CCNH: variants seen among roughly 807,000 people sequenced by gnomAD.
CCNH encodes the protein cyclin-H.
CCNH carries 31 observed loss-of-function variants against 41.9 expected under a neutral mutation model. That is an observed-to-expected ratio of 0.74 (90% CI 0.56 to 1.00). The LOEUF is 1.00. Ranked by LOEUF, CCNH falls within the 50% of genes least tolerant of loss-of-function variation. The pLI is 0.00. For missense variants in CCNH, 362 were observed against 388.4 expected (o/e 0.93, Z 0.57); for synonymous variants, 138 against 136.1 (o/e 1.01, Z -0.10).
upstream of CCNH, chr5:87,377,196 G>A (rs1266388283): frequency 1.1e-6 from 1 of 944,332 alleles, no homozygotes; most frequent in Non-Finnish European, 1.6e-6. Flanking sequence ...TTGGATGTCA[G>A]TTCTGATTAT....
At chr5:87,346,516 A>G (rs1249923384) in intron 9 of CCNH, among the ~76,000 whole-genome samples, 1 of 151,962 alleles carries the variant, frequency 6.6e-6, no homozygotes, top group Non-Finnish European at 1.5e-5. Context: ...ATATGTATAT[A>G]AAATGTATTA....
intron 9 of CCNH, among the ~76,000 whole-genome samples, chr5:87,339,237 T>TA (rs2112392051): frequency 6.6e-6 from 1 of 152,222 alleles, no homozygotes; most frequent in African/African-American, 2.4e-5. Flanking sequence ...TCCATAGAAG[T>TA]AAAACATACT....
At position 87,408,022 on chromosome 5, in the gene CCNH, A is replaced by C; in HGVS notation, c.479T>G (p.Val160Gly). Residue 160 changes from valine to glycine, a missense_variant, in exon 4 of 9, where the codon GTC becomes GGC. By Grantham distance (109) the Val-to-Gly change is moderately radical. Coordinates refer to ENST00000256897, the MANE Select transcript of CCNH (RefSeq NM_001239.4). Reference sequence around the variant, plus strand: ...CTCAAATGGTCTGTAAGGATTGTGGACAATAAGGTGGAAATTAAGTTGCTG... The same window carrying C: ...CTCAAATGGTCTGTAAGGATTGTGGCCAATAAGGTGGAAATTAAGTTGCTG... ...LIQQLNFHLI[V>G]HNPYRPFEGF... is the part of the protein sequence containing the mutation. 1 of 1,613,878 alleles carries C rather than the reference A, an allele frequency of 6.2e-7. No homozygotes were observed. The highest frequency in any genetic ancestry group is 8.5e-7 in the Non-Finnish European group (1 of 1,179,740).
At chr5:87,388,952 T>C (rs1210056147), downstream of CCNH, among the ~76,000 whole-genome samples, 2 of 152,020 alleles carry the variant, frequency 1.3e-5, no homozygotes, top group Non-Finnish European at 2.9e-5. Context: ...AGAATAGCAA[T>C]AATATTGTAC....
rs898887371 is a variant in CCNH, at chr5:87,342,921, C to G, written c.*91-24024G>C. 3.9e-5 allele frequency among the ~76,000 whole-genome samples: 6 copies of G among 152,078 alleles called. No individual in the cohort carries two copies. The South Asian group carries it at 6.2e-4, about 16-fold the overall frequency. On this transcript the variant is annotated intron_variant and NMD_transcript_variant, in intron 9 of 9. Coordinates refer to the CCNH transcript ENST00000645953. Reference sequence around the variant, plus strand: ...AAACATTTAAAGCTACATCAGTTTTCTCATAGTATAAAATATAAATCCCAC... The same window carrying G: ...AAACATTTAAAGCTACATCAGTTTTGTCATAGTATAAAATATAAATCCCAC...
upstream of CCNH, among the ~76,000 whole-genome samples, chr5:87,380,244 G>C (rs765483250): frequency 1.2e-4 from 19 of 152,132 alleles, no homozygotes; most frequent in Non-Finnish European, 2.6e-4. Flanking sequence ...TCTAAATCTT[G>C]CTCCCCAGAA....
upstream of CCNH, chr5:87,379,873 G>T: frequency 1.2e-6 from 2 of 1,606,674 alleles, no homozygotes; most frequent in South Asian, 2.2e-5. Context: ...ATTTTCATTT[G>T]ACAAGAAATT....
intron 9 of CCNH, among the ~76,000 whole-genome samples, chr5:87,324,597 T>A (rs1386957521): frequency 6.6e-6 from 1 of 152,208 alleles, no homozygotes; most frequent in African/African-American, 2.4e-5. Flanking sequence ...ACAGCATTTC[T>A]GCCCTTACTT....
At chr5:87,412,398 C>T in intron 1 of CCNH, 1 of 1,193,048 alleles carries the variant, frequency 8.4e-7, no homozygotes, top group Non-Finnish European at 1.1e-6. Flanking sequence ...GACAAGTGAA[C>T]GGCTCTTGCC....
chr5:87,356,874 C>A (rs1759690980), intron 9 of CCNH, among the ~76,000 whole-genome samples: 1 of 152,086 alleles, frequency 6.6e-6, no homozygotes, highest in East Asian at 1.9e-4. Flanking sequence ...CCTATATTTT[C>A]CTTCATTCCC....
downstream of CCNH, among the ~76,000 whole-genome samples, chr5:87,318,239 G>T (rs1337106177): frequency 1.3e-5 from 2 of 152,026 alleles, no homozygotes; most frequent in Non-Finnish European, 2.9e-5. Flanking sequence ...ATGCTATAGG[G>T]TATATAAAAA....
Position 87,407,026 on chromosome 5 carries a change from GCTGT to G in CCNH, c.525+946_525+949del, listed in dbSNP as rs377223638. On this transcript the variant is annotated intron_variant, in intron 4 of 8. Transcript: ENST00000256897. ...GACTCTGCCTTCCACTCTGGCAGCA[GCTGT>G]CTGTGATCTCTTCCCCCTGCATTGC... 4.2e-3 allele frequency among the ~76,000 whole-genome samples: 636 copies of G among 152,224 alleles called. 4 individuals are homozygous for G. Among genetic ancestry groups the G allele is most frequent in the African/African-American group, 0.015 (620 of 41,544 alleles).
chr5:87,376,761 T>G, exon 1 of CCNH: 1 of 1,220,366 alleles, frequency 8.2e-7, no homozygotes, highest in Non-Finnish European at 1.2e-6. Context: ...TAAATAAATT[T>G]ATTCAATGGG....
chr5:87,336,790 T>C (rs1393695224), intron 9 of CCNH, among the ~76,000 whole-genome samples: 1 of 152,112 alleles, frequency 6.6e-6, no homozygotes, highest in Non-Finnish European at 1.5e-5. Context: ...AGGAATAGTT[T>C]AATTGGTTAA....
chr5:87,323,318 TA>T (rs1008408461), intron 9 of CCNH, among the ~76,000 whole-genome samples: 1 of 152,238 alleles, frequency 6.6e-6, no homozygotes, highest in South Asian at 2.1e-4. Context: ...AATAGGAGCT[TA>T]AAAAAATCTT....
At chr5:87,351,542 A>G (rs1759277080) in intron 9 of CCNH, among the ~76,000 whole-genome samples, 1 of 151,754 alleles carries the variant, frequency 6.6e-6, no homozygotes, top group Admixed American at 6.6e-5. Flanking sequence ...ATTAAAATAC[A>G]GAACACAGTG....
rs116580482 is a variant in CCNH at position 87,371,084 on chromosome 5, A to G, written c.*90+21686T>C. On this transcript the variant is annotated intron_variant and NMD_transcript_variant, in intron 9 of 9. Transcript: ENST00000645953. ...TTAGAAATTTAAACTTCAGTATCCT[A>G]TTTTCTAAGTATTTTACCATGGTCC... Among the ~76,000 whole-genome samples the G allele has an allele frequency of 9.2e-3, 1,400 of 152,106 alleles. 28 individuals are homozygous for G. Among genetic ancestry groups the G allele is most frequent in the African/African-American group, 0.031 (1,301 of 41,490 alleles).
chr5:87,337,004 TAGG>T (rs1758023303), intron 9 of CCNH, among the ~76,000 whole-genome samples: 1 of 152,044 alleles, frequency 6.6e-6, no homozygotes, highest in East Asian at 1.9e-4. Flanking sequence ...CTTTCAAGGA[TAGG>T]AGAAGAGATT....
chr5:87,395,795 G>T (rs1580435742), intron 7 of CCNH, among the ~76,000 whole-genome samples: 2 of 152,308 alleles, frequency 1.3e-5, no homozygotes, highest in Non-Finnish European at 2.9e-5. Context: ...CTTGAGCCCA[G>T]AAGGCAGAGG....
Sources: gnomAD v4.1 joint callset for allele counts (sites outside exome capture counted in the v4.1 genomes callset) on GRCh38, gnomAD v4.1.1 for gene constraint, MANE v1.5 for transcripts, NCBI Gene and HGNC (gene_info 2026-07-23, HGNC 2026-07-21) for gene names.